The following SIL1 variants were observed in gnomAD, a reference collection of about 807,000 sequenced individuals.
SIL1 encodes nucleotide exchange factor SIL1.
A neutral mutation model predicts 49.1 loss-of-function variants in SIL1; 40 were observed. The ratio of observed to expected loss-of-function variants is 0.81; its 90% CI spans 0.63 to 1.06. SIL1 has a LOEUF of 1.06. Ranked by LOEUF, SIL1 falls within the 50% of genes least tolerant of loss-of-function variation. SIL1 has a pLI of 0.00. For missense variants in SIL1, 500 were observed against 572.6 expected, an observed-to-expected ratio of 0.87 and a Z score of 1.29; for synonymous variants, 253 against 250.8, an observed-to-expected ratio of 1.01 and a Z score of -0.08.
chr5:139,167,312 G>C (rs572968118), intron 1 of SIL1, among the ~76,000 whole-genome samples: 15 of 152,274 alleles, frequency 9.9e-5, no homozygotes, highest in Non-Finnish European at 1.9e-4. Context: ...GCCTCAAGCA[G>C]GTCTTTCCAG....
chr5:139,165,825 AT>A (rs559635441), intron 1 of SIL1, among the ~76,000 whole-genome samples: 1 of 149,702 alleles, frequency 6.7e-6, no homozygotes, highest in Non-Finnish European at 1.5e-5. Flanking sequence ...TGCCCGGCTA[AT>A]TTTTTTTTAT....
intron 3 of SIL1, among the ~76,000 whole-genome samples, chr5:139,092,817 A>C (rs1281874243): frequency 7.9e-5 from 12 of 152,172 alleles, no homozygotes; most frequent in African/African-American, 2.7e-4. Context: ...GAAGCTTTAA[A>C]ATATATTATG....
intron 3 of SIL1, among the ~76,000 whole-genome samples, chr5:139,094,920 G>T (rs1453618385): frequency 6.6e-6 from 1 of 152,182 alleles, no homozygotes; most frequent in Non-Finnish European, 1.5e-5. Context: ...GTACTGGTCA[G>T]GTATTTTACA....
intron 3 of SIL1, among the ~76,000 whole-genome samples, chr5:139,111,210 A>G (rs1359061895): frequency 6.6e-6 from 1 of 152,216 alleles, no homozygotes; most frequent in Non-Finnish European, 1.5e-5. Flanking sequence ...GACCACCCTC[A>G]GCTTGGCTCA....
chr5:139,113,768 G>A (rs139680318), intron 3 of SIL1, among the ~76,000 whole-genome samples: 189 of 152,342 alleles, frequency 1.2e-3, no homozygotes, highest in African/African-American at 4.1e-3. Context: ...TATTAGAAAA[G>A]GAAGCAAAGT....
At chr5:139,155,477 G>GAGAGAGAGAGA (rs765537884) in intron 1 of SIL1, 7 of 151,554 alleles carry the variant, frequency 4.6e-5, no homozygotes, top group Admixed American at 1.3e-4. Flanking sequence ...GAGAGAGAGA[G>GAGAGAGAGAGA]AACGAGCTCT....
At chr5:139,133,343 T>C (rs1466189583) in intron 1 of SIL1, 2 of 152,238 alleles carry the variant, frequency 1.3e-5, no homozygotes, top group Non-Finnish European at 2.9e-5. Flanking sequence ...CCAATCTGTA[T>C]TGCCAGCTTA....
chr5:139,146,126 G>A (rs1488328588), intron 1 of SIL1, among the ~76,000 whole-genome samples: 2 of 152,126 alleles, frequency 1.3e-5, no homozygotes, highest in East Asian at 3.9e-4. Context: ...TTACAGCCAT[G>A]AGCTGCTGTG....
chr5:139,163,223 G>A (rs950668859), intron 1 of SIL1, among the ~76,000 whole-genome samples: 2 of 152,106 alleles, frequency 1.3e-5, no homozygotes, highest in African/African-American at 2.4e-5. Flanking sequence ...GCGTCAGGCA[G>A]CAAGGTGACG....
At chr5:139,126,076 T>C (rs184606383) in intron 2 of SIL1, among the ~76,000 whole-genome samples, 504 of 152,290 alleles carry the variant, frequency 3.3e-3, no homozygotes, top group African/African-American at 0.011. Context: ...CCATTTTCAC[T>C]GTTGTGAAGG....
Position 138,951,784 on chromosome 5 carries a change from A to G in SIL1, c.864+4T>C, listed in dbSNP as rs904069744. On this transcript the variant is annotated splice_donor_region_variant and intron_variant, in intron 8 of 9. Transcript: ENST00000394817. ...TGGGCAGGAGGAAGGGCATGGAAAC[A>G]CACCTTCTTCTTTGCAGTGAGCGGC... 5.0e-6 allele frequency: 8 copies of G among 1,613,748 alleles called. No individual in the cohort carries two copies. The African/African-American group carries it at 8.0e-5, about 16-fold the overall frequency.
chr5:139,100,657 G>C (rs1056075312), intron 3 of SIL1, among the ~76,000 whole-genome samples: 18 of 152,210 alleles, frequency 1.2e-4, no homozygotes, highest in African/African-American at 4.3e-4. Context: ...GTGATGAGAA[G>C]TGGTCAAATT....
chr5:139,181,971 C>T (rs745854776), intron 1 of SIL1, among the ~76,000 whole-genome samples: 12 of 152,122 alleles, frequency 7.9e-5, no homozygotes, highest in Non-Finnish European at 1.6e-4. Context: ...CACTGTAATA[C>T]ACAGTTTTTG....
chr5:138,974,270 C>T (rs1178066608), intron 7 of SIL1, among the ~76,000 whole-genome samples: 2 of 152,164 alleles, frequency 1.3e-5, no homozygotes, highest in Non-Finnish European at 2.9e-5. Flanking sequence ...CTGCCTGTGG[C>T]TGTTAGCTTC....
chr5:139,127,686 G>T, intron 2 of SIL1, 53 bp downstream of exon 2: 5 of 1,421,540 alleles, frequency 3.5e-6, no homozygotes, highest in Non-Finnish European at 3.9e-6. Flanking sequence ...TGACAGGGAG[G>T]CCTTCTCAAG....
chr5:139,103,167 G>A (rs187430671), intron 3 of SIL1, among the ~76,000 whole-genome samples: 2 of 152,144 alleles, frequency 1.3e-5, no homozygotes, highest in Non-Finnish European at 2.9e-5. Context: ...TACCACTACC[G>A]CAATGACATC....
At chr5:139,061,699 G>A (rs1470033580) in intron 3 of SIL1, among the ~76,000 whole-genome samples, 3 of 152,180 alleles carry the variant, frequency 2.0e-5, no homozygotes, top group Admixed American at 6.5e-5. Flanking sequence ...AGAAAAAGCA[G>A]TCCCAAAAAC....
At chr5:139,113,437 A>T (rs919923992) in intron 3 of SIL1, among the ~76,000 whole-genome samples, 1 of 141,260 alleles carries the variant, frequency 7.1e-6, no homozygotes, top group Admixed American at 7.0e-5. Context: ...GATGCTGCCC[A>T]CCCCCACCAC....
At chr5:139,149,969 G>C (rs1751265913) in intron 1 of SIL1, among the ~76,000 whole-genome samples, 1 of 152,156 alleles carries the variant, frequency 6.6e-6, no homozygotes, top group Non-Finnish European at 1.5e-5. Flanking sequence ...AGAGATAAGA[G>C]AAGGGAGAAG....
Sources: gnomAD v4.1 joint callset for allele counts (sites outside exome capture counted in the v4.1 genomes callset) on GRCh38, gnomAD v4.1.1 for gene constraint, MANE v1.5 for transcripts, NCBI Gene and HGNC (gene_info 2026-07-23, HGNC 2026-07-21) for gene names.